POPDC1: variants seen among roughly 807,000 people sequenced by gnomAD.
The protein encoded by POPDC1 is popeye domain cAMP effector 1.
At chr6:105,117,633 C>A in the POPDC1 span, among the ~76,000 whole-genome samples, 1 of 152,154 alleles carries the variant, frequency 6.6e-6, no homozygotes, top group African/African-American at 2.4e-5. Flanking sequence ...GCCAGGAAGC[C>A]CTTCTTCCCA....
At chr6:105,129,290 G>C in the POPDC1 span, 1 of 1,150,114 alleles carries the variant, frequency 8.7e-7, no homozygotes, top group Non-Finnish European at 1.2e-6. Context: ...GACTAAATAT[G>C]CTAGATACTT....
chr6:105,111,147 C>T, the POPDC1 span, among the ~76,000 whole-genome samples: 1 of 152,148 alleles, frequency 6.6e-6, no homozygotes, highest in African/African-American at 2.4e-5. Context: ...AAGATGAGTT[C>T]CAACTGATTG....
chr6:105,120,849 T>C, the POPDC1 span, among the ~76,000 whole-genome samples: 1 of 152,212 alleles, frequency 6.6e-6, no homozygotes, highest in South Asian at 2.1e-4. Flanking sequence ...TTTGCATGCA[T>C]CATACTGCAT....
chr6:105,130,326 T>A, the POPDC1 span, among the ~76,000 whole-genome samples: 1 of 152,114 alleles, frequency 6.6e-6, no homozygotes, highest in South Asian at 2.1e-4. Flanking sequence ...ATCCCCCTAC[T>A]GCCGGAAACA....
At chr6:105,129,188 A>G in the POPDC1 span, among the ~76,000 whole-genome samples, 184 of 151,744 alleles carry the variant, frequency 1.2e-3, 6 homozygotes, top group South Asian at 0.034. Context: ...TTAAAAACTC[A>G]TTTGTAGAAC....
At chr6:105,129,741 T>C in the POPDC1 span, among the ~76,000 whole-genome samples, 1 of 152,116 alleles carries the variant, frequency 6.6e-6, no homozygotes, top group Non-Finnish European at 1.5e-5. Flanking sequence ...ACACAGATAG[T>C]GGGGATAAGT....
chr6:105,129,540 G>T, the POPDC1 span: 43 of 1,585,576 alleles, frequency 2.7e-5, no homozygotes, highest in South Asian at 4.5e-4. Context: ...AGATAATCTA[G>T]AAGAGCCTAA....
chr6:105,101,898 C>T, the POPDC1 span, among the ~76,000 whole-genome samples: 3 of 152,300 alleles, frequency 2.0e-5, no homozygotes, highest in African/African-American at 7.2e-5. Context: ...CATGCATTCA[C>T]CAAATGGTTA....
chr6:105,099,270 C>T, the POPDC1 span: 1 of 152,190 alleles, frequency 6.6e-6, no homozygotes, highest in Non-Finnish European at 1.5e-5. Context: ...GTAAATTTAA[C>T]TCAAATGAAA....
At chr6:105,111,942 T>G in the POPDC1 span, among the ~76,000 whole-genome samples, 1 of 152,296 alleles carries the variant, frequency 6.6e-6, no homozygotes, top group East Asian at 1.9e-4. Flanking sequence ...TGCAAACTTC[T>G]ACACCCAACT....
At chr6:105,121,536 G>C in the POPDC1 span, among the ~76,000 whole-genome samples, 2 of 152,074 alleles carry the variant, frequency 1.3e-5, no homozygotes, top group African/African-American at 4.8e-5. Context: ...CCAAAGTGCC[G>C]GGATTACAGG....
chr6:105,111,960 G>A, the POPDC1 span, among the ~76,000 whole-genome samples: 46 of 152,310 alleles, frequency 3.0e-4, 1 homozygote, highest in East Asian at 8.5e-3. Flanking sequence ...ACTACCGGCA[G>A]ATGAGAAAGA....
chr6:105,111,023 A>G, the POPDC1 span, among the ~76,000 whole-genome samples: 1 of 152,208 alleles, frequency 6.6e-6, no homozygotes, highest in African/African-American at 2.4e-5. Context: ...CAAACAAAAT[A>G]CTTACAAAGA....
the POPDC1 span, among the ~76,000 whole-genome samples, chr6:105,125,765 T>C: frequency 5.5e-4 from 84 of 152,300 alleles, no homozygotes; most frequent in East Asian, 0.015. Context: ...CTTCAGATGC[T>C]AAAAGGGTAT....
chr6:105,122,029 G>C, the POPDC1 span, among the ~76,000 whole-genome samples: 65 of 152,332 alleles, frequency 4.3e-4, no homozygotes, highest in African/African-American at 1.4e-3. Context: ...TTGGCTCTGG[G>C]AGAATGTGAC....
At chr6:105,126,595 A>G in the POPDC1 span, among the ~76,000 whole-genome samples, 4 of 152,240 alleles carry the variant, frequency 2.6e-5, no homozygotes, top group African/African-American at 7.2e-5. Context: ...CCTTCTATAA[A>G]TAACAGAAAA....
the POPDC1 span, among the ~76,000 whole-genome samples, chr6:105,117,571 C>G: frequency 1.3e-5 from 2 of 152,116 alleles, no homozygotes; most frequent in Non-Finnish European, 1.5e-5. Flanking sequence ...CTCAAGTATC[C>G]CTCAAATAAA....
the POPDC1 span, chr6:105,098,101 C>T: frequency 6.6e-6 from 1 of 152,066 alleles, no homozygotes; most frequent in African/African-American, 2.4e-5. Flanking sequence ...ATTTTCTGAA[C>T]TTTGATCATT....
the POPDC1 span, among the ~76,000 whole-genome samples, chr6:105,131,902 A>G: frequency 0.043 from 6,433 of 151,146 alleles, 458 homozygotes; most frequent in African/African-American, 0.15. Context: ...CACAGGTCAC[A>G]CAGCCACAGA....
Sources: allele counts gnomAD v4.1 joint callset (sites outside exome capture counted in the v4.1 genomes callset), GRCh38; gene constraint gnomAD v4.1.1; transcripts MANE v1.5; gene names NCBI Gene and HGNC (gene_info 2026-07-23, HGNC 2026-07-21).